The following PHKB variants were observed in gnomAD, a reference collection of about 807,000 sequenced individuals.
The protein encoded by PHKB is phosphorylase b kinase regulatory subunit beta.
A neutral mutation model predicts 152.1 loss-of-function variants in PHKB; 122 were observed. The ratio of observed to expected loss-of-function variants is 0.80; its 90% CI spans 0.69 to 0.93. The LOEUF (loss-of-function observed/expected upper bound fraction) is 0.93, where lower values mean the gene tolerates loss of function less well. PHKB is among the 40% of genes least tolerant of loss of function. PHKB has a pLI of 0.00. For missense variants in PHKB, 1,304 were observed against 1,328.4 expected (o/e 0.98, Z 0.29); for synonymous variants, 436 against 464.9 (o/e 0.94, Z 0.80).
At chr16:47,677,246 G>A (rs573823612) in intron 26 of PHKB, among the ~76,000 whole-genome samples, 2 of 152,192 alleles carry the variant, frequency 1.3e-5, no homozygotes, top group South Asian at 2.1e-4. Flanking sequence ...GTGATAGAGG[G>A]AATCCACATC....
At chr16:47,580,480 A>C in intron 8 of PHKB, 122 bp downstream of exon 8, 12 of 681,092 alleles carry the variant, frequency 1.8e-5, no homozygotes, top group Non-Finnish European at 2.8e-5. Flanking sequence ...GTAGAAGCTC[A>C]TGCTTGAACT....
intron 7 of PHKB, among the ~76,000 whole-genome samples, chr16:47,563,514 C>A (rs936836523): frequency 6.6e-6 from 1 of 152,006 alleles, no homozygotes; most frequent in Non-Finnish European, 1.5e-5. Flanking sequence ...AGCATCAGGT[C>A]TTACCAGTGG....
chr16:47,684,022 C>CT (rs750820336), intron 26 of PHKB, among the ~76,000 whole-genome samples: 253 of 143,906 alleles, frequency 1.8e-3, no homozygotes, highest in Admixed American at 4.6e-3. Flanking sequence ...TTCTGTATGG[C>CT]TTTTTTTTTT....
intron 12 of PHKB, among the ~76,000 whole-genome samples, chr16:47,596,122 A>G (rs1238343347): frequency 2.6e-5 from 4 of 151,324 alleles, no homozygotes; most frequent in African/African-American, 9.8e-5. Flanking sequence ...ATAGTAGTGA[A>G]TAAGTCTCAG....
intron 13 of PHKB, among the ~76,000 whole-genome samples, chr16:47,599,756 A>T (rs1363778764): frequency 6.6e-6 from 1 of 152,198 alleles, no homozygotes; most frequent in Non-Finnish European, 1.5e-5. Flanking sequence ...CCACATACAT[A>T]TCTCCAGCTG....
intron 20 of PHKB, 44 bp downstream of exon 20, chr16:47,650,965 A>G: frequency 2.4e-6 from 3 of 1,260,956 alleles, no homozygotes; most frequent in Non-Finnish European, 2.3e-6. Flanking sequence ...CAGGACAGTT[A>G]ATCTACAATA....
intron 20 of PHKB, among the ~76,000 whole-genome samples, chr16:47,660,236 A>G (rs1335168803): frequency 2.6e-5 from 4 of 152,200 alleles, no homozygotes; most frequent in Admixed American, 6.5e-5. Context: ...AATGCCTGCA[A>G]TTCTAAGAAC....
chr16:47,473,934 C>A (rs573310527), intron 1 of PHKB, among the ~76,000 whole-genome samples: 1 of 152,254 alleles, frequency 6.6e-6, no homozygotes, highest in Admixed American at 6.5e-5. Flanking sequence ...ATGATTATAG[C>A]CACCATTCTG....
chr16:47,588,927 C>T lies in PHKB; in HGVS notation c.893C>T (p.Pro298Leu), dbSNP rs558898797. The T allele has an allele frequency of 1.9e-5, 31 of 1,613,834 alleles. No individual in the cohort carries two copies. The East Asian group carries it at 6.0e-4, about 31-fold the overall frequency. ...RSHNTDAALL[P>L]CISYPAFALD... is the part of the protein sequence containing the mutation. ...CAGAATACAGATGCTGCCCTGCTCC[C>T]CTGCATCAGTTATCCTGCATTTGCC... The change falls in exon 10 of 31, where the codon CCC (proline) becomes CTC (leucine). Residue 298 changes from proline (P) to leucine (L), a missense_variant. Physicochemically the swap from Pro to Leu is moderately conservative, Grantham distance 98 (BLOSUM62 -3). Transcript: ENST00000323584.
intron 7 of PHKB, among the ~76,000 whole-genome samples, chr16:47,569,967 A>G (rs144754407): frequency 1.2e-3 from 178 of 152,324 alleles, no homozygotes; most frequent in African/African-American, 4.1e-3. Flanking sequence ...AGCATTTCTT[A>G]TAGAGCTGGC....
chr16:47,511,729 C>T lies in PHKB; in HGVS notation c.470C>T (p.Thr157Ile), dbSNP rs141208535. ...TCLHSVFNVH[T>I]GDELLSYEEY... The stretch of plus-strand genomic sequence containing the variant: ...CTTCACTCTGTTTTCAATGTGCATA[C>T]AGGAGATGAGTTGCTTTCCTATGAG... Residue 157 changes from threonine (T) to isoleucine (I), a missense_variant, in exon 5 of 31, where the codon ACA (threonine) becomes ATA (isoleucine). Physicochemically the swap from Thr to Ile is moderately conservative, Grantham distance 89. Transcript: ENST00000323584. 183 of 1,612,164 alleles carry T rather than the reference C, an allele frequency of 1.1e-4. No homozygotes were observed. The highest frequency in any genetic ancestry group is 1.5e-4 in the Non-Finnish European group (179 of 1,178,340).
chr16:47,464,039 C>A (rs545120048), intron 1 of PHKB: 2 of 1,183,150 alleles, frequency 1.7e-6, no homozygotes, highest in South Asian at 1.2e-5. Flanking sequence ...ATTTTAAATA[C>A]CTTTGTTTCT....
At chr16:47,517,942 A>G (rs1159148786) in intron 6 of PHKB, among the ~76,000 whole-genome samples, 2 of 152,192 alleles carry the variant, frequency 1.3e-5, no homozygotes, top group African/African-American at 2.4e-5. Flanking sequence ...GTTGGATCAT[A>G]TGGAGAGGCA....
chr16:47,588,793 G>C, intron 9 of PHKB, 112 bp from the exon 10 acceptor site: 1 of 846,860 alleles, frequency 1.2e-6, no homozygotes, highest in South Asian at 1.4e-5. Context: ...AGCAGAGCGT[G>C]CTCACTTTTG....
chr16:47,499,276 C>A (rs1358015915), intron 2 of PHKB, among the ~76,000 whole-genome samples: 1 of 152,222 alleles, frequency 6.6e-6, no homozygotes. Context: ...GTTCTGTGAT[C>A]TTCCCCTCGC....
intron 1 of PHKB, among the ~76,000 whole-genome samples, chr16:47,466,965 T>C (rs891345647): frequency 6.6e-6 from 1 of 152,226 alleles, no homozygotes; most frequent in Non-Finnish European, 1.5e-5. Flanking sequence ...TGTTGTTTAC[T>C]ACCTATTTGA....
At chr16:47,581,742 C>T (rs1388305115) in intron 8 of PHKB, among the ~76,000 whole-genome samples, 4 of 152,178 alleles carry the variant, frequency 2.6e-5, no homozygotes, top group Non-Finnish European at 5.9e-5. Flanking sequence ...TGCGATGGCG[C>T]GATCTCGGCT....
intron 26 of PHKB, among the ~76,000 whole-genome samples, chr16:47,687,913 C>T (rs547035244): frequency 1.3e-5 from 2 of 152,292 alleles, no homozygotes; most frequent in South Asian, 2.1e-4. Flanking sequence ...TTTTTTCTTA[C>T]GGTTCTCTAC....
chr16:47,587,237 T>C (rs1971949548), intron 8 of PHKB, among the ~76,000 whole-genome samples: 1 of 152,212 alleles, frequency 6.6e-6, no homozygotes, highest in Non-Finnish European at 1.5e-5. Context: ...CAGTATTCTT[T>C]TACATTCATC....
Sources: gnomAD v4.1 joint callset for allele counts (sites outside exome capture counted in the v4.1 genomes callset) on GRCh38, gnomAD v4.1.1 for gene constraint, MANE v1.5 for transcripts, NCBI Gene and HGNC (gene_info 2026-07-23, HGNC 2026-07-21) for gene names.